The following KMT5A variants were observed in gnomAD, a reference collection of about 807,000 sequenced individuals.
KMT5A encodes N-lysine methyltransferase KMT5A.
KMT5A carries 6 observed loss-of-function variants against 40.6 expected under a neutral mutation model. The ratio of observed to expected loss-of-function variants is 0.15; its 90% confidence interval spans 0.08 to 0.29. KMT5A has a LOEUF of 0.29. Ranked by LOEUF, KMT5A falls within the 10% of genes least tolerant of loss-of-function variation. The pLI is 1.00. For synonymous variants in KMT5A, 153 were observed against 178.8 expected (o/e 0.86, Z 1.15); for missense variants, 308 against 459.1 (o/e 0.67, Z 3.01).
At chr12:123,396,462 G>GGA (rs1312892193) in intron 5 of KMT5A, 30 bp downstream of exon 5, 4 of 1,608,990 alleles carry the variant, frequency 2.5e-6, no homozygotes, top group African/African-American at 1.3e-5. Context: ...TCCAGTTTGT[G>GGA]GAGGGGCAGG....
At chr12:123,393,559 AG>A (rs1422918379) in intron 3 of KMT5A, among the ~76,000 whole-genome samples, 1 of 151,768 alleles carries the variant, frequency 6.6e-6, no homozygotes, top group Non-Finnish European at 1.5e-5. Context: ...TTTATTTTTG[AG>A]AAGGAGTCTC....
chr12:123,389,990 C>T (rs1041581097), intron 2 of KMT5A: 1 of 456,688 alleles, frequency 2.2e-6, no homozygotes, highest in Admixed American at 2.4e-5. Flanking sequence ...CCCCACCGCC[C>T]CGTCCACTCT....
chr12:123,404,110 G>T (rs932001882), intron 6 of KMT5A, among the ~76,000 whole-genome samples: 4 of 152,134 alleles, frequency 2.6e-5, no homozygotes, highest in African/African-American at 9.7e-5. Flanking sequence ...ATATGTAGCT[G>T]ATGCCCAGGG....
rs932852548 is a variant in KMT5A, at chr12:123,408,593, T to C, written c.*890T>C. 3 of 149,682 alleles carry C rather than the reference T, an allele frequency of 2.0e-5. No homozygotes were observed. The highest frequency in any genetic ancestry group is 6.6e-5 in the Admixed American group (1 of 15,054). 9.3% of individuals were successfully genotyped at this position (149,682 alleles called of 1,614,324 possible). A position where few individuals can be genotyped will look rare whatever the true frequency, so the allele number is the denominator to read the frequency against. On this transcript the variant is annotated 3_prime_UTR_variant, in exon 8 of 8. Transcript: ENST00000402868. ...TTTTTTTTTTTTTTTTTTTGCTTTT[T>C]TTTGCTTTTTGTAGAAGAGATTGAG...
In KMT5A at chr12:123,384,202, G is replaced by T. The variant is rs777563800; in HGVS notation, c.4G>T (p.Ala2Ser). 19 of 1,613,606 alleles carry T rather than the reference G, an allele frequency of 1.2e-5. No homozygotes were observed. In the Admixed American group the frequency reaches 3.2e-4, roughly 27 times the overall value. Residue 2 changes from alanine (A) to serine (S), a missense_variant, in exon 1 of 8, where the codon GCT becomes TCT. By Grantham distance (99) the Ala-to-Ser change is moderately conservative. Coordinates refer to ENST00000402868, the MANE Select transcript of KMT5A (RefSeq NM_020382.7). The surrounding 1 kb of genome is among the most constrained non-coding windows in gnomAD (Gnocchi z 5.7). ...CAGGCGGTGACAGAGTGGAGCCATG[G>T]CTAGAGGTATTTGCCCAAGTGGCCG... M[A>S]RGRKMSKPRA...
chr12:123,404,520 T>G (rs1470265031), intron 6 of KMT5A, among the ~76,000 whole-genome samples: 1 of 152,226 alleles, frequency 6.6e-6, no homozygotes, highest in Admixed American at 6.5e-5. Context: ...TGTCACTGTC[T>G]AGCTGTGTGG....
Position 123,409,113 on chromosome 12 carries a change from C to T in KMT5A, c.*1410C>T, listed in dbSNP as rs1205056516. ...AGAGGCTGTCCTCGTCTTTGATTCC[C>T]CCCCAACCCCACCTCGGGCCTCACG... On this transcript the variant is annotated 3_prime_UTR_variant, in exon 8 of 8. Transcript: ENST00000402868. The T allele has an allele frequency of 6.6e-6, 1 of 152,018 alleles. No homozygotes were observed. The highest frequency in any genetic ancestry group is 1.5e-5 in the Non-Finnish European group (1 of 67,946). 9.4% of individuals were successfully genotyped at this position (152,018 alleles called of 1,614,324 possible). A position where few individuals can be genotyped will look rare whatever the true frequency, so the allele number is the denominator to read the frequency against.
At chr12:123,398,112 G>C (rs1251441667) in intron 5 of KMT5A, among the ~76,000 whole-genome samples, 4 of 151,798 alleles carry the variant, frequency 2.6e-5, no homozygotes, top group African/African-American at 9.7e-5. Context: ...GTGAAACCTT[G>C]TCTCTACTAA....
chr12:123,389,216 GGC>G, intron 1 of KMT5A: 22 of 138,084 alleles, frequency 1.6e-4, no homozygotes, highest in Non-Finnish European at 3.0e-4. Flanking sequence ...GCGGGGGGCG[GGC>G]GGCGCGCGGG....
chr12:123,400,872 T>C (rs1421154108), intron 5 of KMT5A, among the ~76,000 whole-genome samples: 1 of 152,016 alleles, frequency 6.6e-6, no homozygotes, highest in Non-Finnish European at 1.5e-5. Context: ...TGGAGTACAG[T>C]GGCATGATTA....
rs773191291 is a variant in KMT5A, at chr12:123,384,157, C to G, written c.-42C>G. ...GAGTTGTTGCAACTTTTTTCGAAAG[C>G]TGGGTTTCCCGGGAGATCCCAGGCG... On this transcript the variant is annotated 5_prime_UTR_variant, in exon 1 of 8. Transcript: ENST00000402868. This position sits in a 1 kb window ranked among gnomAD's most constrained non-coding sequence, Gnocchi z 5.7. The G allele has an allele frequency of 2.5e-6, 4 of 1,612,892 alleles. No individual in the cohort carries two copies. The highest frequency in any genetic ancestry group is 3.4e-6 in the Non-Finnish European group (4 of 1,179,372).
At chr12:123,390,544 T>A in intron 2 of KMT5A, 86 bp from the exon 3 acceptor site, 1 of 1,516,372 alleles carries the variant, frequency 6.6e-7, no homozygotes, top group African/African-American at 1.4e-5. Context: ...GTTGTCTGAT[T>A]TTCATCTTTT....
intron 1 of KMT5A, chr12:123,388,916 C>A (rs1317934230): frequency 6.9e-6 from 1 of 145,330 alleles, no homozygotes; most frequent in African/African-American, 2.5e-5. Flanking sequence ...CTACCAGCCC[C>A]CTCCCCGGGC....
chr12:123,395,392 C>G, intron 4 of KMT5A, 126 bp downstream of exon 4: 1 of 947,946 alleles, frequency 1.1e-6, no homozygotes, highest in Non-Finnish European at 1.6e-6. Flanking sequence ...GTCAAAGACT[C>G]AGATGCCCCG....
intron 3 of KMT5A, among the ~76,000 whole-genome samples, chr12:123,393,437 T>C (rs1026961218): frequency 1.3e-5 from 2 of 152,228 alleles, no homozygotes; most frequent in Non-Finnish European, 2.9e-5. Context: ...GGACATTTCA[T>C]ATGGATGGAA....
intron 4 of KMT5A, 86 bp from the exon 5 acceptor site, chr12:123,396,259 C>T: frequency 7.9e-7 from 1 of 1,268,126 alleles, no homozygotes; most frequent in African/African-American, 1.5e-5. Flanking sequence ...AGCTGTGTGC[C>T]TCCTCGGTGT....
At chr12:123,386,430 A>G (rs543861282) in intron 1 of KMT5A, among the ~76,000 whole-genome samples, 9 of 151,912 alleles carry the variant, frequency 5.9e-5, no homozygotes, top group Non-Finnish European at 1.0e-4. Context: ...TGGCCAGGCT[A>G]GTCTTGAACT....
In KMT5A at chr12:123,390,490, A is replaced by G. The variant is rs192853976; in HGVS notation, c.133-140A>G. On this transcript the variant is annotated intron_variant, in intron 2 of 7. Transcript: ENST00000402868. ...AACCTGCCAGTGCTCTCCTGAGACA[A>G]TGGGGGCTGGCATCCCCTGGTAGCC... The G allele has an allele frequency of 1.0e-4, 105 of 1,005,730 alleles. No individual in the cohort carries two copies. In the African/African-American group the frequency reaches 1.2e-3, roughly 12 times the overall value. The allele number at this position is 1,005,730 out of a possible 1,614,324, so 62.3% of individuals were successfully genotyped here.
At chr12:123,404,247 C>T (rs1163231378) in intron 6 of KMT5A, among the ~76,000 whole-genome samples, 1 of 152,190 alleles carries the variant, frequency 6.6e-6, no homozygotes, top group Non-Finnish European at 1.5e-5. Context: ...GAGAAGTACT[C>T]TCTACAGTGG....
Sources: gnomAD v4.1 joint callset for allele counts (sites outside exome capture counted in the v4.1 genomes callset) on GRCh38, gnomAD v4.1.1 for gene constraint, Gnocchi (gnomAD v3.1) non-coding constraint, MANE v1.5 for transcripts, NCBI Gene and HGNC (gene_info 2026-07-23, HGNC 2026-07-21) for gene names.